The following ZNF177 variants were observed in gnomAD, a reference collection of about 807,000 sequenced individuals.
ZNF177 encodes zinc finger protein 177.
In ZNF177, 17 loss-of-function variants were observed where a neutral mutation model predicts 19.4. That is an observed-to-expected ratio of 0.87 (90% CI 0.60 to 1.31). The LOEUF is 1.31. Among genes scored for constraint, ZNF177 ranks in the 40% most tolerant of loss-of-function variants. The pLI is 0.00. For missense variants in ZNF177, 633 were observed against 561.8 expected, an observed-to-expected ratio of 1.13 and a Z score of -1.28; for synonymous variants, 220 against 188.7, an observed-to-expected ratio of 1.17 and a Z score of -1.36.
At chr19:9,381,555 C>G in exon 6 of ZNF177, 1 of 1,614,168 alleles carries the variant, frequency 6.2e-7, no homozygotes, top group Non-Finnish European at 8.5e-7. Flanking sequence ...TCAGCACAGG[C>G]TCTTACCTTA....
exon 6 of ZNF177, chr19:9,381,757 G>A (rs372169446): frequency 5.0e-6 from 8 of 1,600,448 alleles, no homozygotes; most frequent in Middle Eastern, 1.7e-4. Context: ...AATCCACAAT[G>A]GCCAGAAACT....
At chr19:9,364,583 A>G (rs2067952019) in intron 1 of ZNF177, among the ~76,000 whole-genome samples, 2 of 152,192 alleles carry the variant, frequency 1.3e-5, no homozygotes, top group Admixed American at 6.5e-5. Context: ...ACTAGTGTGC[A>G]TGTGCCTGTC....
upstream of ZNF177, among the ~76,000 whole-genome samples, chr19:9,372,540 C>CTTTTT (rs61321271): frequency 2.1e-3 from 177 of 84,536 alleles, no homozygotes; most frequent in Non-Finnish European, 2.2e-3. Flanking sequence ...CTTTCTTTTC[C>CTTTTT]TTTTTTTTTT....
At chr19:9,379,719 G>T in intron 4 of ZNF177, 100 bp downstream of exon 6, 1 of 1,369,142 alleles carries the variant, frequency 7.3e-7, no homozygotes, top group Middle Eastern at 2.4e-4. Context: ...GCCATGACAT[G>T]AGCTTCCTTC....
Position 9,378,445 on chromosome 19 carries a change from G to A in ZNF177, c.33+101G>A, listed in dbSNP as rs2068142610. ...AAGCTTCACAGCCCAATCTGAGCTG[G>A]CTTCATCTTCCGCAGCTCCCAGGCT... is the stretch of plus-strand genomic sequence containing the variant. On this transcript the variant is annotated intron_variant, in intron 2 of 5. Transcript: ENST00000589262. 3 of 1,549,016 alleles carry A rather than the reference G, an allele frequency of 1.9e-6. No individual in the cohort carries two copies. In the African/African-American group the frequency reaches 4.1e-5, roughly 21 times the overall value.
chr19:9,380,824 AG>A lies in ZNF177; in HGVS notation c.494del (p.Ser165IlefsTer3). The stretch of plus-strand genomic sequence containing the variant: ...CTTCAACCATCCCTCAACTCTTAGG[AG>A]TCATGTGAGCATTCACATTGGAGAG... On this transcript the variant is annotated frameshift_variant, in exon 6 of 6. Coordinates refer to ENST00000589262, the Ensembl canonical transcript of ZNF177. LOFTEE classifies it low-confidence loss of function (END_TRUNC). 6.5e-7 allele frequency: 1 copy of A among 1,536,122 alleles called. No homozygotes were observed. Among genetic ancestry groups the A allele is most frequent in the Non-Finnish European group, 8.7e-7 (1 of 1,146,902 alleles).
At chr19:9,376,119 T>A (rs2068106394), upstream of ZNF177, among the ~76,000 whole-genome samples, 1 of 152,148 alleles carries the variant, frequency 6.6e-6, no homozygotes, top group South Asian at 2.1e-4. Flanking sequence ...CTATGTGTTT[T>A]GACTAGAGAA....
At position 9,378,244 on chromosome 19, in the gene ZNF177, T is replaced by C; in HGVS notation, c.-53-15T>C. 2 of 1,602,920 alleles carry C rather than the reference T, an allele frequency of 1.2e-6. No individual in the cohort carries two copies. The highest frequency in any genetic ancestry group is 1.7e-5 in the Admixed American group (1 of 57,852). ...AGCAGGCCTAGACTCTAATGGCTTC[T>C]GTGTTCTCCTCTAGCTCTGCCTGCT... On this transcript the variant is annotated splice_polypyrimidine_tract_variant and intron_variant, in intron 1 of 5. Transcript: ENST00000589262.
chr19:9,369,498 G>C (rs1041990125), intron 2 of ZNF177, among the ~76,000 whole-genome samples: 1 of 151,998 alleles, frequency 6.6e-6, no homozygotes. Context: ...GTGGATTTTA[G>C]TGCATCTAAT....
upstream of ZNF177, among the ~76,000 whole-genome samples, chr19:9,375,675 T>G (rs2068099966): frequency 6.6e-6 from 1 of 152,172 alleles, no homozygotes; most frequent in African/African-American, 2.4e-5. Flanking sequence ...TTGTAATGCC[T>G]TCTCTTTCAT....
chr19:9,378,186 A>G, intron 1 of ZNF177, 73 bp from the exon 4 acceptor site: 6 of 1,411,064 alleles, frequency 4.3e-6, no homozygotes, highest in Non-Finnish European at 5.7e-6. Context: ...TTTAGTAAGA[A>G]GAAGCTTCCC....
chr19:9,363,554 A>G (rs2067935950), intron 1 of ZNF177, among the ~76,000 whole-genome samples: 2 of 151,982 alleles, frequency 1.3e-5, no homozygotes, highest in African/African-American at 2.4e-5. Context: ...GGGCTTGTGC[A>G]TGTTTTTTCG....
At chr19:9,382,233 G>T (rs2068213975), downstream of ZNF177, 1 of 404,124 alleles carries the variant, frequency 2.5e-6, no homozygotes, top group Non-Finnish European at 4.4e-6. Context: ...CCTTACAGCT[G>T]TGAGCGGCCA....
chr19:9,372,271 A>G (rs913207898), upstream of ZNF177, among the ~76,000 whole-genome samples: 1 of 152,204 alleles, frequency 6.6e-6, no homozygotes, highest in Admixed American at 6.5e-5. Flanking sequence ...ACTGAAATCT[A>G]AAAGAGAGCA....
exon 6 of ZNF177, chr19:9,381,916 TTATAAATGTTATAGC>T (rs1246605597): frequency 4.0e-6 from 5 of 1,241,932 alleles, no homozygotes; most frequent in Non-Finnish European, 3.3e-6. Flanking sequence ...GGGACAAACC[TTATAAATGTTATAGC>T]TATGATTGTT....
At chr19:9,374,396 G>C (rs1272722542), upstream of ZNF177, among the ~76,000 whole-genome samples, 1 of 152,092 alleles carries the variant, frequency 6.6e-6, no homozygotes, top group Non-Finnish European at 1.5e-5. Context: ...TGAATTTTAG[G>C]ATTGTTTTTT....
At position 9,379,049 on chromosome 19, in the gene ZNF177, G is replaced by GATGT. The variant is rs2068151638; in HGVS notation, c.122_125dup (p.Met43CysfsTer7). 1 of 1,610,164 alleles carries GATGT rather than the reference G, an allele frequency of 6.2e-7. No homozygotes were observed. Among genetic ancestry groups the GATGT allele is most frequent in the Non-Finnish European group, 8.5e-7 (1 of 1,177,294 alleles). On this transcript the variant is annotated frameshift_variant, in exon 3 of 6. Transcript: ENST00000589262. LOFTEE classifies it high-confidence loss of function. Reference sequence around the variant, plus strand: ...CCCTGCTCAAAAAAATCTATACAAAGATGTGATGCTGGAGAACTTTAGGAA... The same window carrying GATGT: ...CCCTGCTCAAAAAAATCTATACAAAGATGTATGTGATGCTGGAGAACTTTAGGAA...
chr19:9,365,075 G>T (rs1171345997), intron 2 of ZNF177, 127 bp downstream of exon 2: 1 of 152,200 alleles, frequency 6.6e-6, no homozygotes, highest in African/African-American at 2.4e-5. Context: ...GTTGGGCTTT[G>T]GAGATGAAGA....
At chr19:9,380,087 C>T (rs200350306) in exon 5 of ZNF177, 15 of 1,611,872 alleles carry the variant, frequency 9.3e-6, no homozygotes, top group Non-Finnish European at 1.3e-5. Context: ...CCAAAAGATA[C>T]AATTGCTATG....
Sources: allele counts gnomAD v4.1 joint callset (sites outside exome capture counted in the v4.1 genomes callset), GRCh38; gene constraint gnomAD v4.1.1; transcripts MANE v1.5; gene names NCBI Gene and HGNC (gene_info 2026-07-23, HGNC 2026-07-21).